RTRAF: variants seen among roughly 807,000 people sequenced by gnomAD.
RTRAF encodes RNA transcription, translation and transport factor.
A neutral mutation model predicts 34.4 loss-of-function variants in RTRAF; 14 were observed. That is an observed-to-expected ratio of 0.41 (90% CI 0.27 to 0.64). The LOEUF (loss-of-function observed/expected upper bound fraction) is 0.64, where lower values mean the gene tolerates loss of function less well. Among genes scored for constraint, RTRAF ranks in the 30% least tolerant of loss-of-function variants. RTRAF has a pLI of 0.34. For synonymous variants in RTRAF, 96 were observed against 95.3 expected, an observed-to-expected ratio of 1.01 and a Z score of -0.04; for missense variants, 291 against 288.4, an observed-to-expected ratio of 1.01 and a Z score of -0.06.
chr14:52,006,624 G>A lies in RTRAF; in HGVS notation c.*2108G>A, dbSNP rs992421072. Reference sequence around the variant, plus strand: ...GTTGTTTTGAATGACACGCCGTCCAGTTCCATCAGGTAGTGTACACTCCAG... The same window carrying A: ...GTTGTTTTGAATGACACGCCGTCCAATTCCATCAGGTAGTGTACACTCCAG... On this transcript the variant is annotated 3_prime_UTR_variant, in exon 8 of 8. Transcript: ENST00000261700. 3.7e-6 allele frequency: 6 copies of A among 1,613,844 alleles called. No homozygotes were observed. The highest frequency in any genetic ancestry group is 3.4e-6 in the Non-Finnish European group (4 of 1,179,762).
At chr14:52,001,755 G>A (rs1566733896) in intron 5 of RTRAF, 43 bp from the exon 6 acceptor site, 9 of 1,523,532 alleles carry the variant, frequency 5.9e-6, no homozygotes, top group African/African-American at 2.8e-5. Context: ...AGGATGACAG[G>A]TACACAGCCT....
chr14:52,007,209 A>G lies in RTRAF; in HGVS notation c.*2693A>G, dbSNP rs1353702504. ...TCTCATGGAGCCGATTTAAATTTCA[A>G]ATCCTTTTAAGAAATGTAACTTGTT... On this transcript the variant is annotated 3_prime_UTR_variant, in exon 8 of 8. Transcript: ENST00000261700. 1.3e-5 allele frequency: 2 copies of G among 154,130 alleles called. No individual in the cohort carries two copies. Among genetic ancestry groups the G allele is most frequent in the Non-Finnish European group, 2.9e-5 (2 of 69,342 alleles). 9.5% of individuals were successfully genotyped at this position (154,130 alleles called of 1,614,324 possible).
intron 6 of RTRAF, among the ~76,000 whole-genome samples, chr14:52,002,260 C>T (rs1385450167): frequency 1.3e-5 from 2 of 152,174 alleles, no homozygotes; most frequent in African/African-American, 2.4e-5. Flanking sequence ...TAAATTCTAT[C>T]CTTGCTCTTA....
intron 6 of RTRAF, 76 bp from the exon 7 acceptor site, chr14:52,004,118 G>A: frequency 7.9e-7 from 1 of 1,264,906 alleles, no homozygotes; most frequent in East Asian, 2.3e-5. Context: ...ATAGCTAGGT[G>A]CTTTTCAGTT....
At position 52,007,049 on chromosome 14, in the gene RTRAF, A is replaced by AT. The variant is rs1298050249; in HGVS notation, c.*2538dup. 6.4e-6 allele frequency: 1 copy of AT among 156,828 alleles called. No individual in the cohort carries two copies. Among genetic ancestry groups the AT allele is most frequent in the African/African-American group, 2.4e-5 (1 of 41,494 alleles). The allele number at this position is 156,828 out of a possible 1,614,324, so 9.7% of individuals were successfully genotyped here. A position where few individuals can be genotyped will look rare whatever the true frequency, so the allele number is the denominator to read the frequency against. ...CAACCTTTTAACCAAAATCCTTAGT[A>AT]TTTTTAAAATATTTTCTAGGTAGGA... On this transcript the variant is annotated 3_prime_UTR_variant, in exon 8 of 8. Transcript: ENST00000261700.
chr14:51,989,557 T>A lies in RTRAF; in HGVS notation c.-83T>A, dbSNP rs567563792. ...AGCGCCTGCCCGCCCTCTCGCCGCG[T>A]CGCCGGTGCCTGCGCCTCCCGCTCC... On this transcript the variant is annotated 5_prime_UTR_variant, in exon 1 of 8. Coordinates refer to ENST00000261700, the MANE Select transcript of RTRAF (RefSeq NM_016039.3). The A allele has an allele frequency of 1.4e-6, 2 of 1,447,748 alleles. No homozygotes were observed. The highest frequency in any genetic ancestry group is 1.4e-5 in the African/African-American group (1 of 69,058). The allele number at this position is 1,447,748 out of a possible 1,614,324, so 89.7% of individuals were successfully genotyped here. A position where few individuals can be genotyped will look rare whatever the true frequency, so the allele number is the denominator to read the frequency against.
intron 3 of RTRAF, among the ~76,000 whole-genome samples, chr14:51,995,095 G>A (rs1890498295): frequency 6.6e-6 from 1 of 151,924 alleles, no homozygotes; most frequent in Non-Finnish European, 1.5e-5. Context: ...ATTCGTCCCA[G>A]TAATTTGTAA....
chr14:52,002,632 A>G (rs1201308905), intron 6 of RTRAF, among the ~76,000 whole-genome samples: 8 of 152,252 alleles, frequency 5.3e-5, no homozygotes, highest in African/African-American at 1.9e-4. Context: ...AGATGCCTAA[A>G]GTTTCACTGG....
chr14:51,992,696 A>G (rs1594984494), intron 2 of RTRAF, among the ~76,000 whole-genome samples: 1 of 152,366 alleles, frequency 6.6e-6, no homozygotes. Context: ...TGTACAAGAC[A>G]GTACAGAATT....
rs764356223 is a variant in RTRAF at position 52,005,458 on chromosome 14, C to G, written c.*942C>G. ...TTAGGGTCCAGGTTCTGATTGTAAACTCCAAGTCTTCCTTTACATTACTGT... is the reference window on the plus strand; with the variant it reads ...TTAGGGTCCAGGTTCTGATTGTAAAGTCCAAGTCTTCCTTTACATTACTGT... On this transcript the variant is annotated 3_prime_UTR_variant, in exon 8 of 8. Coordinates refer to ENST00000261700, the MANE Select transcript of RTRAF (RefSeq NM_016039.3). The G allele has an allele frequency of 6.3e-7, 1 of 1,575,766 alleles. No individual in the cohort carries two copies. Among genetic ancestry groups the G allele is most frequent in the Non-Finnish European group, 8.6e-7 (1 of 1,164,684 alleles).
intron 2 of RTRAF, among the ~76,000 whole-genome samples, chr14:51,993,416 C>G (rs996023400): frequency 6.6e-6 from 1 of 152,042 alleles, no homozygotes; most frequent in African/African-American, 2.4e-5. Context: ...TGTATTGAGA[C>G]TAGGAATCAG....
chr14:52,004,140 A>C, intron 6 of RTRAF, 54 bp from the exon 7 acceptor site: 4 of 1,468,126 alleles, frequency 2.7e-6, no homozygotes, highest in Non-Finnish European at 3.8e-6. Context: ...CAGTTGAGGA[A>C]AGGATGCTAT....
At position 52,006,442 on chromosome 14, in the gene RTRAF, T is replaced by G; in HGVS notation, c.*1926T>G. On this transcript the variant is annotated 3_prime_UTR_variant, in exon 8 of 8. Transcript: ENST00000261700. ...GAAACAAAAGCCTCAGAGGGCTTAATGAGTCAAGTCAGGTACTGACTTTTG... is the reference window on the plus strand; with the variant it reads ...GAAACAAAAGCCTCAGAGGGCTTAAGGAGTCAAGTCAGGTACTGACTTTTG... 4.9e-6 allele frequency: 7 copies of G among 1,432,658 alleles called. No homozygotes were observed. The highest frequency in any genetic ancestry group is 1.3e-5 in the South Asian group (1 of 77,962). The allele number at this position is 1,432,658 out of a possible 1,614,324, so 88.7% of individuals were successfully genotyped here.
Position 52,004,483 on chromosome 14 carries a change from G to T in RTRAF, c.702G>T (p.Lys234Asn). The change falls in exon 8 of 8, where the codon AAG becomes AAT. Residue 234 changes from lysine to asparagine, a missense_variant. Physicochemically the swap from Lys to Asn is moderately conservative, Grantham distance 94. Transcript: ENST00000261700. Reference protein sequence around the residue: ...VAVQAIIADPKTDHRLGKVGR With the variant: ...VAVQAIIADPNTDHRLGKVGR ...TTCAGGCAATTATTGCTGATCCAAA[G>T]ACAGACCACAGACTGGGAAAAGTTG... is the stretch of plus-strand genomic sequence containing the variant. The T allele has an allele frequency of 6.2e-7, 1 of 1,613,704 alleles. No individual in the cohort carries two copies. The highest frequency in any genetic ancestry group is 8.5e-7 in the Non-Finnish European group (1 of 1,179,846).
intron 4 of RTRAF, chr14:51,999,451 G>A (rs1183513607): frequency 3.1e-6 from 1 of 324,738 alleles, no homozygotes; most frequent in African/African-American, 2.1e-5. Flanking sequence ...TCATTGTAAG[G>A]TCAAAAAATT....
chr14:52,006,366 A>G lies in RTRAF; in HGVS notation c.*1850A>G. 1.5e-6 allele frequency: 1 copy of G among 676,326 alleles called. No individual in the cohort carries two copies. Among genetic ancestry groups the G allele is most frequent in the South Asian group, 2.0e-5 (1 of 50,258 alleles). The allele number at this position is 676,326 out of a possible 1,614,324, so 41.9% of individuals were successfully genotyped here. A position where few individuals can be genotyped will look rare whatever the true frequency, so the allele number is the denominator to read the frequency against. ...GTAAAAGGATGATTTCAAAAACATG[A>G]AAGGATGAAAAACATCCTTGAAGGA... On this transcript the variant is annotated 3_prime_UTR_variant, in exon 8 of 8. Coordinates refer to ENST00000261700, the MANE Select transcript of RTRAF (RefSeq NM_016039.3).
intron 6 of RTRAF, among the ~76,000 whole-genome samples, chr14:52,002,874 T>G (rs1375483387): frequency 6.6e-6 from 1 of 152,240 alleles, no homozygotes; most frequent in East Asian, 1.9e-4. Context: ...GACACTGTTT[T>G]CTTTTAAAGG....
Position 52,005,882 on chromosome 14 carries a change from CAGTCATTTACTAGATAAAGA to C in RTRAF, c.*1372_*1391del, listed in dbSNP as rs772588392. 21 of 1,456,594 alleles carry C rather than the reference CAGTCATTTACTAGATAAAGA, an allele frequency of 1.4e-5. No homozygotes were observed. The South Asian group carries it at 2.4e-4, about 17-fold the overall frequency. The allele number at this position is 1,456,594 out of a possible 1,614,324, so 90.2% of individuals were successfully genotyped here. A position where few individuals can be genotyped will look rare whatever the true frequency, so the allele number is the denominator to read the frequency against. On this transcript the variant is annotated 3_prime_UTR_variant, in exon 8 of 8. Transcript: ENST00000261700. ...CAGAAAGGAAGAGTGAATTCAGGGA[CAGTCATTTACTAGATAAAGA>C]AGTCAGTCAGCCACAGAAAATCAGT...
At position 52,008,092 on chromosome 14, in the gene RTRAF, G is replaced by A; in HGVS notation, c.*3576G>A. The A allele has an allele frequency of 1.4e-6, 1 of 710,206 alleles. No homozygotes were observed. The highest frequency in any genetic ancestry group is 2.3e-6 in the Non-Finnish European group (1 of 438,696). 44.0% of individuals were successfully genotyped at this position (710,206 alleles called of 1,614,324 possible). A position where few individuals can be genotyped will look rare whatever the true frequency, so the allele number is the denominator to read the frequency against. ...AGCCTTAAGCAATCCCCTTGAGTTT[G>A]GGCTGCATTAGTAGTGTCTTGCTTC... On this transcript the variant is annotated 3_prime_UTR_variant, in exon 8 of 8. Coordinates refer to ENST00000261700, the MANE Select transcript of RTRAF (RefSeq NM_016039.3).
Sources: gnomAD v4.1 joint callset for allele counts (sites outside exome capture counted in the v4.1 genomes callset) on GRCh38, gnomAD v4.1.1 for gene constraint, MANE v1.5 for transcripts, NCBI Gene and HGNC (gene_info 2026-07-23, HGNC 2026-07-21) for gene names.